GRIK1: variants seen among roughly 807,000 people sequenced by gnomAD.
GRIK1 encodes the protein glutamate receptor ionotropic, kainate 1.
Under a neutral mutation model 105.7 loss-of-function variants are expected in GRIK1, and 69 were observed. The observed-to-expected ratio is 0.65, with a 90% CI of 0.54 to 0.80. GRIK1 has a LOEUF of 0.80. GRIK1 is among the 30% of genes least tolerant of loss of function. The pLI, the probability that GRIK1 is intolerant of heterozygous loss-of-function variation, is 0.00. For missense variants in GRIK1, 1,109 were observed against 1,167.3 expected (o/e 0.95, Z 0.73); for synonymous variants, 438 against 431.3 (o/e 1.02, Z -0.19).
intron 1 of GRIK1, among the ~76,000 whole-genome samples, chr21:29,701,384 C>T (rs962175980): frequency 7.9e-5 from 12 of 152,222 alleles, no homozygotes; most frequent in African/African-American, 2.4e-4. Context: ...GGGAGAAGAG[C>T]GTTACAGCCA....
chr21:29,821,878 A>C (rs461317), intron 1 of GRIK1, among the ~76,000 whole-genome samples: 124,638 of 151,888 alleles, frequency 0.82, 52,192 homozygotes, highest in East Asian at 0.93. Context: ...ACAACTTTTT[A>C]TTAATTGTTA....
chr21:29,657,049 G>T (rs2062868143), intron 4 of GRIK1, among the ~76,000 whole-genome samples: 1 of 152,094 alleles, frequency 6.6e-6, no homozygotes, highest in South Asian at 2.1e-4. Context: ...CTTGTTAGCT[G>T]TTCTCTTATA....
At chr21:29,857,280 C>G (rs2068491483) in intron 1 of GRIK1, among the ~76,000 whole-genome samples, 1 of 152,172 alleles carries the variant, frequency 6.6e-6, no homozygotes, top group African/African-American at 2.4e-5. Context: ...AGTGGCAGAG[C>G]TGGGATGCCC....
chr21:29,607,660 C>G (rs1327510632), intron 7 of GRIK1, among the ~76,000 whole-genome samples: 1 of 152,006 alleles, frequency 6.6e-6, no homozygotes, highest in Non-Finnish European at 1.5e-5. Flanking sequence ...TAAAAATTAG[C>G]TTAAATAGCA....
At chr21:29,820,047 GA>G (rs925948135) in intron 1 of GRIK1, among the ~76,000 whole-genome samples, 154 of 146,738 alleles carry the variant, frequency 1.0e-3, no homozygotes, top group Non-Finnish European at 1.6e-3. Context: ...TGGAGCTTTT[GA>G]AAAAAAAAAA....
At chr21:29,859,786 G>C (rs2068580821) in intron 1 of GRIK1, among the ~76,000 whole-genome samples, 1 of 152,216 alleles carries the variant, frequency 6.6e-6, no homozygotes, top group African/African-American at 2.4e-5. Flanking sequence ...GGAATTTGTA[G>C]TCAGACAAAT....
chr21:29,887,493 A>G (rs1264939761), intron 1 of GRIK1, among the ~76,000 whole-genome samples: 1 of 152,172 alleles, frequency 6.6e-6, no homozygotes, highest in African/African-American at 2.4e-5. Flanking sequence ...ATATTGAGCA[A>G]TCATGTTAGC....
At chr21:29,649,948 T>C (rs1180728999) in intron 6 of GRIK1, among the ~76,000 whole-genome samples, 1 of 152,204 alleles carries the variant, frequency 6.6e-6, no homozygotes, top group African/African-American at 2.4e-5. Context: ...ACCGATCTAT[T>C]AGCGTGCTTC....
chr21:29,924,044 T>A (rs573684045), intron 1 of GRIK1, among the ~76,000 whole-genome samples: 7 of 152,110 alleles, frequency 4.6e-5, no homozygotes, highest in Admixed American at 3.3e-4. Flanking sequence ...TACTCATATA[T>A]GAAAGAAGGT....
At chr21:29,907,417 G>A (rs549774958) in intron 1 of GRIK1, among the ~76,000 whole-genome samples, 51 of 152,184 alleles carry the variant, frequency 3.4e-4, no homozygotes, top group African/African-American at 1.2e-3. Context: ...ATAATTAGAT[G>A]CTTAATATAT....
At chr21:29,926,649 A>G (rs1484933458) in intron 1 of GRIK1, among the ~76,000 whole-genome samples, 1 of 151,742 alleles carries the variant, frequency 6.6e-6, no homozygotes, top group African/African-American at 2.4e-5. Flanking sequence ...TTGTATACAT[A>G]TAAGAAATTA....
Position 29,659,977 on chromosome 21 carries a change from C to CA in GRIK1, c.727-5115dup, listed in dbSNP as rs368781243. 2.8e-3 allele frequency among the ~76,000 whole-genome samples: 422 copies of CA among 151,602 alleles called. 1 individual carries two copies. The highest frequency in any genetic ancestry group is 9.4e-3 in the African/African-American group (389 of 41,322). On this transcript the variant is annotated intron_variant, in intron 4 of 17. Transcript: ENST00000327783. ...AACTCTGTTTCAAAACAAAACAAAA[C>CA]AAAAAAAACCCAACAACAACAACAA... is the stretch of plus-strand genomic sequence containing the variant.
intron 1 of GRIK1, among the ~76,000 whole-genome samples, chr21:29,699,603 T>C (rs958079797): frequency 1.3e-5 from 2 of 152,140 alleles, no homozygotes; most frequent in Admixed American, 1.3e-4. Flanking sequence ...TGTTTTTTTG[T>C]GTTTGTTTTT....
chr21:29,735,056 A>G (rs976128581), intron 1 of GRIK1, among the ~76,000 whole-genome samples: 1 of 151,752 alleles, frequency 6.6e-6, no homozygotes, highest in Non-Finnish European at 1.5e-5. Flanking sequence ...CTTTCCCCAT[A>G]CTCTACATCT....
chr21:29,721,866 A>G (rs2064331978), intron 1 of GRIK1, among the ~76,000 whole-genome samples: 1 of 152,146 alleles, frequency 6.6e-6, no homozygotes, highest in Non-Finnish European at 1.5e-5. Context: ...CTAAATGTCC[A>G]TGCCTTCCTC....
intron 1 of GRIK1, among the ~76,000 whole-genome samples, chr21:29,848,779 A>ATATATATTTTTTTT: frequency 2.6e-5 from 2 of 77,866 alleles, no homozygotes; most frequent in African/African-American, 1.2e-4. Flanking sequence ...ATATATATAT[A>ATATATATTTTTTTT]TTTTTTTTTT....
At chr21:29,778,208 T>C (rs1268228991) in intron 1 of GRIK1, among the ~76,000 whole-genome samples, 2 of 152,154 alleles carry the variant, frequency 1.3e-5, no homozygotes, top group Non-Finnish European at 2.9e-5. Flanking sequence ...CACACAACTT[T>C]GTGTTATGTA....
chr21:29,884,114 A>G (rs1381435477), intron 1 of GRIK1, among the ~76,000 whole-genome samples: 1 of 151,974 alleles, frequency 6.6e-6, no homozygotes, highest in Non-Finnish European at 1.5e-5. Context: ...TCTTTGTAGT[A>G]TGGTTCTGTT....
intron 7 of GRIK1, among the ~76,000 whole-genome samples, chr21:29,605,754 A>C (rs1249147001): frequency 6.6e-6 from 1 of 152,206 alleles, no homozygotes; most frequent in Non-Finnish European, 1.5e-5. Context: ...AATATGTAAA[A>C]GAATGTAAAT....
Sources: gnomAD v4.1 joint callset for allele counts (sites outside exome capture counted in the v4.1 genomes callset) on GRCh38, gnomAD v4.1.1 for gene constraint, MANE v1.5 for transcripts, NCBI Gene and HGNC (gene_info 2026-07-23, HGNC 2026-07-21) for gene names.